Variants in SPOCK3 observed in about 807,000 individuals in gnomAD.
SPOCK3 encodes testican-3.
In SPOCK3, 30 loss-of-function variants were observed where a neutral mutation model predicts 56.6. That is an observed-to-expected ratio of 0.53 (90% CI 0.40 to 0.72). The LOEUF is 0.72. Among genes scored for constraint, SPOCK3 ranks in the 30% least tolerant of loss-of-function variants. SPOCK3 has a pLI of 0.00. For missense variants in SPOCK3, 527 were observed against 530.0 expected (o/e 0.99, Z 0.06); for synonymous variants, 196 against 183.3 (o/e 1.07, Z -0.56).
At chr4:167,197,671 A>C (rs1733090304) in intron 2 of SPOCK3, among the ~76,000 whole-genome samples, 1 of 152,170 alleles carries the variant, frequency 6.6e-6, no homozygotes, top group Admixed American at 6.5e-5. Flanking sequence ...TAAAATAATT[A>C]AGAAACTGGA....
intron 2 of SPOCK3, among the ~76,000 whole-genome samples, chr4:167,133,066 T>G (rs1762828555): frequency 6.6e-6 from 1 of 152,194 alleles, no homozygotes. Flanking sequence ...GGCAAAATAA[T>G]GGCCTCTGAA....
At chr4:166,799,219 G>A (rs778368243) in intron 6 of SPOCK3, among the ~76,000 whole-genome samples, 11 of 152,136 alleles carry the variant, frequency 7.2e-5, no homozygotes, top group South Asian at 4.1e-4. Flanking sequence ...GATTTGCTAC[G>A]TGAGCAAAAT....
chr4:166,967,721 C>T (rs1029738667), intron 4 of SPOCK3, among the ~76,000 whole-genome samples: 1 of 152,160 alleles, frequency 6.6e-6, no homozygotes, highest in Non-Finnish European at 1.5e-5. Flanking sequence ...AGAATTAATA[C>T]AGAAAATTGG....
At chr4:167,119,677 C>A in intron 2 of SPOCK3, 1 of 674,824 alleles carries the variant, frequency 1.5e-6, no homozygotes, top group Non-Finnish European at 2.4e-6. Context: ...TTGTTTGATG[C>A]ATATCAGAAA....
Position 167,011,148 on chromosome 4 carries a change from G to T in SPOCK3, c.236-10685C>A, listed in dbSNP as rs189640638. ...TTGGACTTATAAAAACCTCTTAAGG[G>T]TTCTTGAGAGCTGCACCTAAAATAT... On this transcript the variant is annotated intron_variant, in intron 3 of 10. Coordinates refer to ENST00000357545, the MANE Select transcript of SPOCK3 (RefSeq NM_001040159.2). 2.0e-4 allele frequency: 72 copies of T among 363,876 alleles called. No homozygotes were observed. In the East Asian group the frequency reaches 5.0e-3, roughly 25 times the overall value. The allele number at this position is 363,876 out of a possible 1,614,324, so 22.5% of individuals were successfully genotyped here. A position where few individuals can be genotyped will look rare whatever the true frequency, so the allele number is the denominator to read the frequency against.
chr4:166,890,553 C>G (rs999799651), intron 5 of SPOCK3, among the ~76,000 whole-genome samples: 2 of 151,934 alleles, frequency 1.3e-5, no homozygotes, highest in Non-Finnish European at 2.9e-5. Flanking sequence ...TTACTTATAT[C>G]TGGCTTGATT....
chr4:166,881,711 T>C lies in SPOCK3; in HGVS notation c.589+7419A>G, dbSNP rs535492041. Among the ~76,000 whole-genome samples the C allele has an allele frequency of 5.3e-5, 8 of 152,232 alleles. No individual in the cohort carries two copies. The South Asian group carries it at 1.2e-3, about 24-fold the overall frequency. On this transcript the variant is annotated intron_variant, in intron 6 of 10. Transcript: ENST00000357545. Reference sequence around the variant, plus strand: ...ATGAGATCCTGAAATCCTCCTAGACTTTTTTAAGCTGCTAAGTTACATAAA... The same window carrying C: ...ATGAGATCCTGAAATCCTCCTAGACCTTTTTAAGCTGCTAAGTTACATAAA...
chr4:166,935,330 T>A (rs187491901), intron 4 of SPOCK3, among the ~76,000 whole-genome samples: 85 of 152,294 alleles, frequency 5.6e-4, no homozygotes, highest in Admixed American at 1.8e-3. Context: ...CCAAGCTCGA[T>A]GTTCTTCTCA....
chr4:166,813,353 A>G (rs1291195804), intron 6 of SPOCK3, among the ~76,000 whole-genome samples: 1 of 152,018 alleles, frequency 6.6e-6, no homozygotes, highest in East Asian at 1.9e-4. Flanking sequence ...GTTAGAAATG[A>G]AAACTCAAGG....
At chr4:167,190,343 G>A (rs1732371100) in intron 2 of SPOCK3, among the ~76,000 whole-genome samples, 2 of 145,634 alleles carry the variant, frequency 1.4e-5, no homozygotes, top group South Asian at 4.3e-4. Context: ...TTGTGATTTT[G>A]ATTTGCACTT....
chr4:167,079,575 C>T (rs1757528448), intron 2 of SPOCK3, among the ~76,000 whole-genome samples: 1 of 151,664 alleles, frequency 6.6e-6, no homozygotes, highest in African/African-American at 2.4e-5. Flanking sequence ...CCTTAGTTTT[C>T]ATCAGTGATT....
chr4:166,763,842 A>G (rs963352964), intron 7 of SPOCK3, among the ~76,000 whole-genome samples: 3 of 152,160 alleles, frequency 2.0e-5, no homozygotes, highest in African/African-American at 7.2e-5. Flanking sequence ...GATGACCACG[A>G]AATTTAATAT....
chr4:166,872,409 C>T (rs1732584606), intron 6 of SPOCK3, among the ~76,000 whole-genome samples: 1 of 152,034 alleles, frequency 6.6e-6, no homozygotes, highest in Non-Finnish European at 1.5e-5. Flanking sequence ...CTAGCAATGA[C>T]AAACTGAAAC....
At chr4:167,039,149 C>T (rs995673353) in intron 3 of SPOCK3, among the ~76,000 whole-genome samples, 2 of 152,152 alleles carry the variant, frequency 1.3e-5, no homozygotes, top group African/African-American at 4.8e-5. Flanking sequence ...CCTTGCTTCC[C>T]TCAGTTTAAC....
chr4:167,116,913 G>GTGTA (rs1486595825), intron 2 of SPOCK3, among the ~76,000 whole-genome samples: 3 of 121,550 alleles, frequency 2.5e-5, no homozygotes, highest in African/African-American at 6.1e-5. Flanking sequence ...GTGTGTGTGT[G>GTGTA]TATATATATA....
intron 6 of SPOCK3, among the ~76,000 whole-genome samples, chr4:166,798,584 A>G (rs1742215933): frequency 6.6e-6 from 1 of 152,228 alleles, no homozygotes; most frequent in Non-Finnish European, 1.5e-5. Flanking sequence ...GAAAAATTCA[A>G]GAATGGCCTA....
chr4:166,824,192 T>TG (rs1462569644), intron 6 of SPOCK3, among the ~76,000 whole-genome samples: 3 of 152,122 alleles, frequency 2.0e-5, no homozygotes, highest in African/African-American at 7.2e-5. Flanking sequence ...GTTCAATTGC[T>TG]ACCCAATAAA....
intron 2 of SPOCK3, among the ~76,000 whole-genome samples, chr4:167,074,108 T>A (rs1335603112): frequency 6.6e-6 from 1 of 151,350 alleles, no homozygotes; most frequent in East Asian, 2.0e-4. Flanking sequence ...ATTATAATAA[T>A]CAGTAAAGGG....
chr4:167,089,126 A>G (rs1310609092), intron 2 of SPOCK3, among the ~76,000 whole-genome samples: 1 of 152,174 alleles, frequency 6.6e-6, no homozygotes, highest in Non-Finnish European at 1.5e-5. Context: ...TAAAATAAAG[A>G]TTAAAAATAA....
Sources: gnomAD v4.1 joint callset for allele counts (sites outside exome capture counted in the v4.1 genomes callset) on GRCh38, gnomAD v4.1.1 for gene constraint, MANE v1.5 for transcripts, NCBI Gene and HGNC (gene_info 2026-07-23, HGNC 2026-07-21) for gene names.